The following AKAP6 variants were observed in gnomAD, a reference collection of about 807,000 sequenced individuals.
AKAP6 encodes A-kinase anchoring protein 6.
Under a neutral mutation model 188.5 loss-of-function variants are expected in AKAP6, and 58 were observed. The ratio of observed to expected loss-of-function variants is 0.31; its 90% CI spans 0.25 to 0.38. The LOEUF (loss-of-function observed/expected upper bound fraction) is 0.38, where lower values mean the gene tolerates loss of function less well. AKAP6 is among the 10% of genes least tolerant of loss of function. AKAP6 has a pLI of 1.00. For missense variants in AKAP6, 2,710 were observed against 2,740.0 expected (o/e 0.99, Z 0.24); for synonymous variants, 989 against 998.6 (o/e 0.99, Z 0.18).
In AKAP6 at chr14:32,590,481, A is replaced by C. The variant is rs548491988; in HGVS notation, c.2470-8929A>C. 8.5e-5 allele frequency among the ~76,000 whole-genome samples: 13 copies of C among 152,260 alleles called. No individual in the cohort carries two copies. The South Asian group carries it at 1.0e-3, about 12-fold the overall frequency. On this transcript the variant is annotated intron_variant, in intron 5 of 13. Coordinates refer to ENST00000280979, the MANE Select transcript of AKAP6 (RefSeq NM_004274.5). ...CAAAACAAAACTAAACAAACAAACA[A>C]AATCTGCTAAATGAATGAATGAACA... is the stretch of plus-strand genomic sequence containing the variant.
chr14:32,428,957 G>A (rs1230456356), intron 1 of AKAP6, among the ~76,000 whole-genome samples: 1 of 152,182 alleles, frequency 6.6e-6, no homozygotes, highest in African/African-American at 2.4e-5. Context: ...TTGTGTAAAG[G>A]AAGGGATTTG....
At chr14:32,469,255 C>A (rs1427671759) in intron 2 of AKAP6, among the ~76,000 whole-genome samples, 1 of 152,166 alleles carries the variant, frequency 6.6e-6, no homozygotes, top group Admixed American at 6.5e-5. Flanking sequence ...TTTCAACAGT[C>A]TCCAACGGAG....
intron 7 of AKAP6, chr14:32,628,031 T>G (rs1887098119): frequency 6.6e-6 from 1 of 152,102 alleles, no homozygotes; most frequent in Non-Finnish European, 1.5e-5. Flanking sequence ...CAGCTTTCTC[T>G]TTTAGAAACA....
chr14:32,368,214 A>G (rs1458080416), intron 1 of AKAP6, among the ~76,000 whole-genome samples: 1 of 152,178 alleles, frequency 6.6e-6, no homozygotes, highest in Non-Finnish European at 1.5e-5. Context: ...AACTGAACAT[A>G]ATCCATTGCA....
chr14:32,557,642 T>C (rs898764520), intron 4 of AKAP6, among the ~76,000 whole-genome samples: 9 of 152,220 alleles, frequency 5.9e-5, no homozygotes, highest in African/African-American at 2.2e-4. Context: ...ATGTTGATAA[T>C]GATCTCTTAT....
chr14:32,540,040 A>G lies in AKAP6; in HGVS notation c.576+4235A>G, dbSNP rs142950881. 3.4e-3 allele frequency among the ~76,000 whole-genome samples: 516 copies of G among 150,638 alleles called. 9 individuals carry two copies. The East Asian group carries it at 0.053, about 15-fold the overall frequency. ...AGAAAGATCTAAGAAGGCATTTGGAACTAGGCTTCAGTTAATTATGGAAAA... is the reference window on the plus strand; with the variant it reads ...AGAAAGATCTAAGAAGGCATTTGGAGCTAGGCTTCAGTTAATTATGGAAAA... On this transcript the variant is annotated intron_variant, in intron 3 of 13. Transcript: ENST00000280979.
chr14:32,701,631 G>A (rs1890624537), intron 9 of AKAP6, among the ~76,000 whole-genome samples: 2 of 152,076 alleles, frequency 1.3e-5, no homozygotes, highest in African/African-American at 2.4e-5. Flanking sequence ...TAGTTGACTT[G>A]CTATTTTATA....
rs538089984 is a variant in AKAP6 at position 32,668,733 on chromosome 14, G to T, written c.2731-9578G>T. Among the ~76,000 whole-genome samples, 26 of 152,060 alleles carry T rather than the reference G, an allele frequency of 1.7e-4. No homozygotes were observed. The South Asian group carries it at 5.4e-3, about 32-fold the overall frequency. On this transcript the variant is annotated intron_variant, in intron 7 of 13. Coordinates refer to ENST00000280979, the MANE Select transcript of AKAP6 (RefSeq NM_004274.5). ...CCTAAGGCTAGGTTTTTTTGGAACT[G>T]CCAATATGATCAGTTTTATGATTAG...
At chr14:32,506,534 A>T (rs1880886093) in intron 2 of AKAP6, among the ~76,000 whole-genome samples, 1 of 152,100 alleles carries the variant, frequency 6.6e-6, no homozygotes, top group African/African-American at 2.4e-5. Context: ...CTACATCACG[A>T]CAGAACAAAT....
chr14:32,508,042 A>G (rs569656907), intron 2 of AKAP6, among the ~76,000 whole-genome samples: 3 of 152,300 alleles, frequency 2.0e-5, no homozygotes, highest in South Asian at 4.1e-4. Flanking sequence ...TTCTACTTCA[A>G]TTATCTGTGA....
chr14:32,627,637 C>G (rs1887080181), intron 7 of AKAP6, among the ~76,000 whole-genome samples: 5 of 151,996 alleles, frequency 3.3e-5, no homozygotes, highest in Admixed American at 3.3e-4. Flanking sequence ...CTAGCACAAC[C>G]CTCAGTTCAT....
chr14:32,600,908 T>C, intron 7 of AKAP6, 116 bp downstream of exon 7: 1 of 844,268 alleles, frequency 1.2e-6, no homozygotes, highest in Non-Finnish European at 1.7e-6. Context: ...GTAAACTTTA[T>C]ATCTCTCTCT....
intron 9 of AKAP6, among the ~76,000 whole-genome samples, chr14:32,711,363 G>T (rs1891047712): frequency 6.6e-6 from 1 of 152,044 alleles, no homozygotes; most frequent in Non-Finnish European, 1.5e-5. Flanking sequence ...TTGTCACTGT[G>T]CTCACAGGCA....
In AKAP6 at chr14:32,546,381, A is replaced by C; in HGVS notation, c.1728A>C (p.Pro576=). Residue 576 remains proline (P), a synonymous_variant, in exon 4 of 14, where the codon CCA becomes CCC. Transcript: ENST00000280979. ...LQLQSETSSS[P]AFTQSSESSV... is the part of the protein sequence containing the mutation. ...TGCAGTCAGAAACATCCAGTTCACCAGCTTTTACTCAGAGCAGTGAATCCT... is the reference window on the plus strand; with the variant it reads ...TGCAGTCAGAAACATCCAGTTCACCCGCTTTTACTCAGAGCAGTGAATCCT... 2.5e-6 allele frequency: 4 copies of C among 1,614,220 alleles called. No individual in the cohort carries two copies. Among genetic ancestry groups the C allele is most frequent in the Middle Eastern group, 1.6e-4 (1 of 6,062 alleles).
intron 1 of AKAP6, among the ~76,000 whole-genome samples, chr14:32,340,798 C>G (rs1886865198): frequency 6.6e-6 from 1 of 152,188 alleles, no homozygotes; most frequent in African/African-American, 2.4e-5. Context: ...AGTCCACTTT[C>G]TGGTTCACAG....
chr14:32,420,909 T>TTGTGTGTGTGTGTGTGTGTGTG (rs71432053), intron 1 of AKAP6, among the ~76,000 whole-genome samples: 12 of 146,520 alleles, frequency 8.2e-5, no homozygotes, highest in African/African-American at 2.3e-4. Flanking sequence ...GGAGATTGAT[T>TTGTGTGTGTGTGTGTGTGTGTG]TGTGTGTGTG....
intron 1 of AKAP6, among the ~76,000 whole-genome samples, chr14:32,335,793 C>G (rs913764744): frequency 3.5e-5 from 5 of 143,594 alleles, no homozygotes; most frequent in Non-Finnish European, 4.5e-5. Context: ...AATTACACAA[C>G]ATATTTATGC....
chr14:32,596,088 A>G (rs1885690426), intron 5 of AKAP6, among the ~76,000 whole-genome samples: 1 of 152,172 alleles, frequency 6.6e-6, no homozygotes. Context: ...AACTAACAGT[A>G]TTTCCATCAG....
intron 2 of AKAP6, among the ~76,000 whole-genome samples, chr14:32,483,857 C>T (rs777814556): frequency 2.0e-5 from 3 of 151,874 alleles, no homozygotes; most frequent in South Asian, 2.1e-4. Context: ...TATACATGGG[C>T]TATGGTGGTG....
Sources: allele counts gnomAD v4.1 joint callset (sites outside exome capture counted in the v4.1 genomes callset), GRCh38; gene constraint gnomAD v4.1.1; transcripts MANE v1.5; gene names NCBI Gene and HGNC (gene_info 2026-07-23, HGNC 2026-07-21).